The following COMMD10 variants were observed in gnomAD, a reference collection of about 807,000 sequenced individuals.
The protein encoded by COMMD10 is COMM domain-containing protein 10.
COMMD10 carries 33 observed loss-of-function variants against 28.9 expected under a neutral mutation model. The observed-to-expected ratio is 1.14, with a 90% CI of 0.87 to 1.53. COMMD10 has a LOEUF of 1.53. COMMD10 is among the 40% of genes most tolerant of loss of function. COMMD10 has a pLI of 0.00. For missense variants in COMMD10, 310 were observed against 233.4 expected, an observed-to-expected ratio of 1.33 and a Z score of -2.14; for synonymous variants, 110 against 81.7, an observed-to-expected ratio of 1.35 and a Z score of -1.87.
intron 5 of COMMD10, among the ~76,000 whole-genome samples, chr5:116,239,944 C>G (rs886877025): frequency 2.0e-5 from 3 of 152,032 alleles, no homozygotes; most frequent in African/African-American, 4.8e-5. Context: ...TTCACTCCCC[C>G]CCAAGGAGAG....
intron 5 of COMMD10, among the ~76,000 whole-genome samples, chr5:116,251,020 C>T (rs1467727278): frequency 6.6e-6 from 1 of 151,936 alleles, no homozygotes; most frequent in African/African-American, 2.4e-5. Flanking sequence ...AAGTGAAATT[C>T]CTGCCTAAAG....
At chr5:116,219,164 A>T (rs1749179112) in intron 5 of COMMD10, among the ~76,000 whole-genome samples, 1 of 152,156 alleles carries the variant, frequency 6.6e-6, no homozygotes, top group African/African-American at 2.4e-5. Context: ...TTCAGCTTCC[A>T]GAACTGAAAG....
chr5:116,282,861 C>T (rs551380400), intron 5 of COMMD10, among the ~76,000 whole-genome samples: 4 of 151,934 alleles, frequency 2.6e-5, no homozygotes, highest in African/African-American at 9.7e-5. Context: ...TGGTACTAGG[C>T]GTTAGGACTT....
chr5:116,135,459 A>T (rs1402605270), intron 5 of COMMD10, among the ~76,000 whole-genome samples: 2 of 152,134 alleles, frequency 1.3e-5, no homozygotes, highest in Admixed American at 6.5e-5. Flanking sequence ...ATTTTATTTC[A>T]CACATTTTCA....
At chr5:116,192,945 A>G (rs1033630988) in intron 5 of COMMD10, among the ~76,000 whole-genome samples, 3 of 152,218 alleles carry the variant, frequency 2.0e-5, no homozygotes, top group African/African-American at 7.2e-5. Flanking sequence ...AGGAAAGCCT[A>G]TTGGATTAAC....
At chr5:116,186,189 T>A (rs72804873) in intron 5 of COMMD10, among the ~76,000 whole-genome samples, 8,146 of 152,220 alleles carry the variant, frequency 0.054, 299 homozygotes, top group East Asian at 0.14. Flanking sequence ...CAGCTGCAAC[T>A]CTGTTTCTCA....
chr5:116,250,044 T>C (rs1482068971), intron 5 of COMMD10, among the ~76,000 whole-genome samples: 1 of 151,946 alleles, frequency 6.6e-6, no homozygotes, highest in Non-Finnish European at 1.5e-5. Flanking sequence ...ATAATTTATA[T>C]TCCCTCAAAC....
At chr5:116,194,515 G>C (rs1426032847) in intron 5 of COMMD10, among the ~76,000 whole-genome samples, 1 of 152,084 alleles carries the variant, frequency 6.6e-6, no homozygotes, top group Non-Finnish European at 1.5e-5. Flanking sequence ...AACTACAAAA[G>C]ATCATTCAAG....
At chr5:116,286,307 C>CT (rs1179460086) in intron 5 of COMMD10, among the ~76,000 whole-genome samples, 2 of 146,582 alleles carry the variant, frequency 1.4e-5, no homozygotes, top group Non-Finnish European at 3.0e-5. Flanking sequence ...TTTTAAAAAA[C>CT]TAACTCAATT....
At chr5:116,141,967 G>A (rs1301474158) in intron 5 of COMMD10, among the ~76,000 whole-genome samples, 1 of 151,532 alleles carries the variant, frequency 6.6e-6, no homozygotes. Flanking sequence ...AATATTGCCT[G>A]CCTTTTTTTA....
chr5:116,154,356 A>G (rs1418379651), intron 5 of COMMD10, among the ~76,000 whole-genome samples: 1 of 152,142 alleles, frequency 6.6e-6, no homozygotes, highest in Non-Finnish European at 1.5e-5. Flanking sequence ...TGGGTAGTTT[A>G]TTGTTAGTGA....
chr5:116,246,090 A>G (rs1045910262), intron 5 of COMMD10, among the ~76,000 whole-genome samples: 1 of 152,116 alleles, frequency 6.6e-6, no homozygotes, highest in Non-Finnish European at 1.5e-5. Flanking sequence ...AAAACCACAT[A>G]GTCTCAGCCA....
At chr5:116,181,714 C>A (rs1403883914) in intron 5 of COMMD10, among the ~76,000 whole-genome samples, 2 of 151,832 alleles carry the variant, frequency 1.3e-5, no homozygotes, top group African/African-American at 4.8e-5. Context: ...TTGACCTAAT[C>A]AAAATTAAAA....
chr5:116,253,802 C>T lies in COMMD10; in HGVS notation c.511-37715C>T, dbSNP rs1457406209. 9.5e-5 allele frequency among the ~76,000 whole-genome samples: 14 copies of T among 147,314 alleles called. No homozygotes were observed. The East Asian group carries it at 2.7e-3, about 29-fold the overall frequency. On this transcript the variant is annotated intron_variant, in intron 5 of 6. Transcript: ENST00000274458. The stretch of plus-strand genomic sequence containing the variant: ...GCCCGGCTTTGGTATCAGAATGATG[C>T]TGGCCTCATAAAATGAGTTAGGGAG...
At chr5:116,181,196 A>T (rs1309076066) in intron 5 of COMMD10, among the ~76,000 whole-genome samples, 3 of 152,068 alleles carry the variant, frequency 2.0e-5, no homozygotes, top group Non-Finnish European at 4.4e-5. Context: ...CTTTCATTTT[A>T]ATTAGAAATC....
At chr5:116,202,655 C>T (rs1488959861) in intron 5 of COMMD10, among the ~76,000 whole-genome samples, 2 of 151,932 alleles carry the variant, frequency 1.3e-5, no homozygotes, top group Non-Finnish European at 2.9e-5. Flanking sequence ...AGCATTTTTT[C>T]ATGTGTCTTT....
intron 5 of COMMD10, among the ~76,000 whole-genome samples, chr5:116,225,946 G>C (rs1030536092): frequency 4.6e-5 from 7 of 151,872 alleles, no homozygotes; most frequent in African/African-American, 1.5e-4. Context: ...GATTAGCTTG[G>C]TGCTAACATT....
intron 4 of COMMD10, among the ~76,000 whole-genome samples, chr5:116,092,909 G>C (rs1298953744): frequency 6.6e-6 from 1 of 152,132 alleles, no homozygotes; most frequent in Non-Finnish European, 1.5e-5. Context: ...GTACACTCTA[G>C]AGAATCAGTT....
At chr5:116,189,770 T>C (rs937507490) in intron 5 of COMMD10, among the ~76,000 whole-genome samples, 6 of 152,166 alleles carry the variant, frequency 3.9e-5, no homozygotes, top group African/African-American at 1.4e-4. Flanking sequence ...AAAACAGTAA[T>C]GAAAATCTAA....
Sources: allele counts gnomAD v4.1 joint callset (sites outside exome capture counted in the v4.1 genomes callset), GRCh38; gene constraint gnomAD v4.1.1; transcripts MANE v1.5; gene names NCBI Gene and HGNC (gene_info 2026-07-23, HGNC 2026-07-21).